PRKN: variants seen among roughly 807,000 people sequenced by gnomAD.
The protein encoded by PRKN is parkin RBR E3 ubiquitin protein ligase.
Under a neutral mutation model 59.5 loss-of-function variants are expected in PRKN, and 56 were observed. The observed-to-expected ratio is 0.94, with a 90% CI of 0.76 to 1.18. The LOEUF is 1.18. Ranked by LOEUF, PRKN falls within the 50% of genes most tolerant of loss-of-function variation. PRKN has a pLI of 0.00. For missense variants in PRKN, 657 were observed against 596.4 expected (o/e 1.10, Z -1.06); for synonymous variants, 250 against 222.1 (o/e 1.13, Z -1.12).
intron 9 of PRKN, among the ~76,000 whole-genome samples, chr6:161,541,281 A>G (rs1779605727): frequency 6.6e-6 from 1 of 152,212 alleles, no homozygotes; most frequent in East Asian, 1.9e-4. Flanking sequence ...TTAAATAGCC[A>G]TATGTGGCTA....
intron 1 of PRKN, among the ~76,000 whole-genome samples, chr6:162,578,764 T>A (rs1780663221): frequency 6.6e-6 from 1 of 152,240 alleles, no homozygotes; most frequent in African/African-American, 2.4e-5. Context: ...TTGACTGCAT[T>A]TGGTTCATTT....
chr6:161,955,326 C>A (rs758029119), intron 6 of PRKN, among the ~76,000 whole-genome samples: 1 of 152,206 alleles, frequency 6.6e-6, no homozygotes, highest in Non-Finnish European at 1.5e-5. Context: ...TGGGAAAAAA[C>A]TACCCCGGAT....
In PRKN at chr6:162,056,689, G is replaced by A. The variant is rs937616060; in HGVS notation, c.535-2515C>T. ...GTCCACATCATTCCCTTACTGCTAC[G>A]GGTGGTGTGCAGAGCCTGAACTGTC... On this transcript the variant is annotated intron_variant, in intron 4 of 11. Transcript: ENST00000366898. This position sits in a 1 kb window ranked among gnomAD's most constrained non-coding sequence, Gnocchi z 4.9. Among the ~76,000 whole-genome samples the A allele has an allele frequency of 2.0e-5, 3 of 152,146 alleles. No homozygotes were observed. Among genetic ancestry groups the A allele is most frequent in the Non-Finnish European group, 2.9e-5 (2 of 68,034 alleles).
chr6:162,303,191 A>G (rs2128114501), intron 2 of PRKN, among the ~76,000 whole-genome samples: 1 of 152,336 alleles, frequency 6.6e-6, no homozygotes, highest in South Asian at 2.1e-4. Context: ...AGCAGCATTT[A>G]CATCAACTAA....
chr6:162,515,766 T>C (rs1393945819), intron 1 of PRKN, among the ~76,000 whole-genome samples: 1 of 152,146 alleles, frequency 6.6e-6, no homozygotes, highest in Non-Finnish European at 1.5e-5. Flanking sequence ...CATGGAGTTA[T>C]TAAACAAATA....
intron 9 of PRKN, among the ~76,000 whole-genome samples, chr6:161,392,845 C>G (rs1482228914): frequency 6.6e-6 from 1 of 151,456 alleles, no homozygotes; most frequent in African/African-American, 2.4e-5. Flanking sequence ...CTAAACTATT[C>G]TTAACATTGA....
chr6:162,446,052 G>A lies in PRKN; in HGVS notation c.8-2579C>T, dbSNP rs118098286. ...AAATTCATGAAAAATACTAATTACG[G>A]AGGAAAAGGTGCTTTTGATACACTT... On this transcript the variant is annotated intron_variant, in intron 1 of 11. Transcript: ENST00000366898. Among the ~76,000 whole-genome samples the A allele has an allele frequency of 3.3e-4, 50 of 152,272 alleles. No homozygotes were observed. The East Asian group carries it at 8.5e-3, about 26-fold the overall frequency.
intron 3 of PRKN, among the ~76,000 whole-genome samples, chr6:162,216,523 C>A (rs193135337): frequency 1.7e-5 from 2 of 115,698 alleles, no homozygotes; most frequent in African/African-American, 3.4e-5. Flanking sequence ...GGCGACAGAG[C>A]GAGACTCCGT....
chr6:162,574,140 G>C (rs974189235), intron 1 of PRKN, among the ~76,000 whole-genome samples: 1 of 152,106 alleles, frequency 6.6e-6, no homozygotes, highest in African/African-American at 2.4e-5. Context: ...AGCCCTCTGA[G>C]GCCATCTCTG....
intron 4 of PRKN, among the ~76,000 whole-genome samples, chr6:162,079,229 A>C (rs1778959490): frequency 6.6e-6 from 1 of 152,146 alleles, no homozygotes. Flanking sequence ...TGAGATCTCA[A>C]GGAAATGAAG....
chr6:161,656,830 C>A (rs746661398), intron 7 of PRKN, among the ~76,000 whole-genome samples: 8 of 152,110 alleles, frequency 5.3e-5, no homozygotes, highest in Non-Finnish European at 8.8e-5. Flanking sequence ...TATTGTATAT[C>A]CCCCTACCTC....
intron 3 of PRKN, among the ~76,000 whole-genome samples, chr6:162,219,516 G>C (rs915476742): frequency 3.3e-5 from 5 of 151,262 alleles, no homozygotes; most frequent in African/African-American, 9.7e-5. Flanking sequence ...TATTCAGAAT[G>C]AACAGTAAAA....
chr6:162,712,077 A>C (rs1337760885), intron 1 of PRKN, among the ~76,000 whole-genome samples: 1 of 152,174 alleles, frequency 6.6e-6, no homozygotes, highest in Non-Finnish European at 1.5e-5. Flanking sequence ...CAAGTTGACT[A>C]GTTTGGTTCC....
At chr6:162,265,816 AGGCCGCG>A (rs1158023082) in intron 2 of PRKN, among the ~76,000 whole-genome samples, 1 of 152,192 alleles carries the variant, frequency 6.6e-6, no homozygotes, top group Non-Finnish European at 1.5e-5. Flanking sequence ...AGCCAGCCTG[AGGCCGCG>A]GGCACCCTCG....
intron 9 of PRKN, among the ~76,000 whole-genome samples, chr6:161,515,106 T>C (rs148617078): frequency 2.4e-3 from 363 of 152,322 alleles, no homozygotes; most frequent in Non-Finnish European, 4.3e-3. Flanking sequence ...TTTTCTAAAT[T>C]GTGCCATGAA....
intron 6 of PRKN, among the ~76,000 whole-genome samples, chr6:161,839,526 G>A (rs779262393): frequency 1.3e-5 from 2 of 152,064 alleles, no homozygotes; most frequent in Admixed American, 6.5e-5. Flanking sequence ...TGGCCCATTC[G>A]AGGAGGTAGC....
intron 7 of PRKN, among the ~76,000 whole-genome samples, chr6:161,654,355 C>G (rs1784261717): frequency 6.6e-6 from 1 of 152,108 alleles, no homozygotes; most frequent in South Asian, 2.1e-4. Flanking sequence ...CCCGGAAGCC[C>G]TTCATTTATT....
chr6:161,938,117 C>T (rs76886917), intron 6 of PRKN, among the ~76,000 whole-genome samples: 1,917 of 152,278 alleles, frequency 0.013, 45 homozygotes, highest in African/African-American at 0.042. Flanking sequence ...TAAAGCATCA[C>T]ATTTGAGAAT....
intron 2 of PRKN, among the ~76,000 whole-genome samples, chr6:162,369,907 A>G (rs775389591): frequency 6.6e-6 from 1 of 152,144 alleles, no homozygotes; most frequent in Non-Finnish European, 1.5e-5. Flanking sequence ...TTGGAAAAAT[A>G]AGCATCCTCG....
Sources: gnomAD v4.1 joint callset for allele counts (sites outside exome capture counted in the v4.1 genomes callset) on GRCh38, gnomAD v4.1.1 for gene constraint, Gnocchi (gnomAD v3.1) non-coding constraint, MANE v1.5 for transcripts, NCBI Gene and HGNC (gene_info 2026-07-23, HGNC 2026-07-21) for gene names.